The following ZNF383 variants were observed in gnomAD, a reference collection of about 807,000 sequenced individuals.
The protein encoded by ZNF383 is zinc finger protein 383.
ZNF383 carries 32 observed loss-of-function variants against 44.2 expected under a neutral mutation model. That is an observed-to-expected ratio of 0.72 (90% CI 0.55 to 0.97). The LOEUF (loss-of-function observed/expected upper bound fraction) is 0.97, where lower values mean the gene tolerates loss of function less well. ZNF383 is among the 50% of genes least tolerant of loss of function. The pLI is 0.00. For synonymous variants in ZNF383, 155 were observed against 186.2 expected (o/e 0.83, Z 1.36); for missense variants, 487 against 562.5 (o/e 0.87, Z 1.36).
At position 37,230,458 on chromosome 19, in the gene ZNF383, C is replaced by A; in HGVS notation, c.5C>A (p.Ala2Asp). 6.2e-7 allele frequency: 1 copy of A among 1,612,532 alleles called. No homozygotes were observed. The highest frequency in any genetic ancestry group is 8.5e-7 in the Non-Finnish European group (1 of 1,179,556). ...CCATCTGCAATACTAGAAGCCATGG[C>A]TGAGGTGAGTTGATGCTTTTTCTTG... The part of the protein sequence containing the change: M[A>D]EGSVMFSDVS... The change falls in exon 3 of 6, where the codon GCT becomes GAT. Residue 2 changes from alanine to aspartate, a missense_variant. Physicochemically the swap from Ala to Asp is moderately radical, Grantham distance 126. Coordinates refer to ENST00000684119, the MANE Select transcript of ZNF383 (RefSeq NM_001387601.1).
At position 37,244,619 on chromosome 19, in the gene ZNF383, T is replaced by A. The variant is rs1394537931; in HGVS notation, c.*955T>A. The A allele has an allele frequency of 2.0e-5, 3 of 152,146 alleles. No individual in the cohort carries two copies. The highest frequency in any genetic ancestry group is 4.4e-5 in the Non-Finnish European group (3 of 68,058). 9.4% of individuals were successfully genotyped at this position (152,146 alleles called of 1,614,324 possible). A position where few individuals can be genotyped will look rare whatever the true frequency, so the allele number is the denominator to read the frequency against. On this transcript the variant is annotated 3_prime_UTR_variant, in exon 6 of 6. Coordinates refer to ENST00000684119, the MANE Select transcript of ZNF383 (RefSeq NM_001387601.1). ...GTCTCAATCTCCCGACTTCAGGTGA[T>A]CCACCCGCCTCGGCCTCCGAAAGTG...
chr19:37,232,455 A>G (rs1284975782), intron 3 of ZNF383, among the ~76,000 whole-genome samples: 2 of 152,212 alleles, frequency 1.3e-5, no homozygotes, highest in Admixed American at 1.3e-4. Flanking sequence ...CCAATAAAAT[A>G]TATCTTGGAT....
intron 3 of ZNF383, 46 bp from the exon 4 acceptor site, chr19:37,235,503 T>C: frequency 1.2e-6 from 2 of 1,607,948 alleles, no homozygotes; most frequent in Non-Finnish European, 1.7e-6. Context: ...TAGTCTCTGA[T>C]ACATTTTTTT....
intron 5 of ZNF383, among the ~76,000 whole-genome samples, chr19:37,239,356 C>T (rs572106699): frequency 2.0e-5 from 3 of 152,216 alleles, no homozygotes; most frequent in South Asian, 2.1e-4. Context: ...ATCACAGATA[C>T]GTTCATATTA....
Position 37,235,193 on chromosome 19 carries a change from A to G in ZNF383, c.10-356A>G, listed in dbSNP as rs551950450. 2.6e-5 allele frequency among the ~76,000 whole-genome samples: 4 copies of G among 152,106 alleles called. No individual in the cohort carries two copies. In the East Asian group the frequency reaches 7.7e-4, roughly 29 times the overall value. The stretch of plus-strand genomic sequence containing the variant: ...GAGGCTGAGGCAGGAGAATTGCTTG[A>G]ACCCAGGAGGCGGAGGTTGCGGTGA... On this transcript the variant is annotated intron_variant, in intron 3 of 5. Coordinates refer to ENST00000684119, the MANE Select transcript of ZNF383 (RefSeq NM_001387601.1).
chr19:37,241,168 A>G (rs537033315), intron 5 of ZNF383, among the ~76,000 whole-genome samples: 14 of 152,116 alleles, frequency 9.2e-5, no homozygotes, highest in East Asian at 3.9e-4. Flanking sequence ...TTCCACCCCA[A>G]CTGGGTTTGC....
Position 37,235,541 on chromosome 19 carries a change from T to G in ZNF383, c.10-8T>G. The G allele has an allele frequency of 1.2e-6, 2 of 1,614,072 alleles. No homozygotes were observed. The highest frequency in any genetic ancestry group is 1.7e-6 in the Non-Finnish European group (2 of 1,179,942). On this transcript the variant is annotated splice_region_variant and splice_polypyrimidine_tract_variant and intron_variant, in intron 3 of 5. Transcript: ENST00000684119. Reference sequence around the variant, plus strand: ...TTACACAAGTAATACGTATGTTTATTGTTTCAGGGATCAGTGATGTTCAGT... The same window carrying G: ...TTACACAAGTAATACGTATGTTTATGGTTTCAGGGATCAGTGATGTTCAGT...
At chr19:37,229,700 A>ATATATATGTGTGTG (rs1973372843) in intron 2 of ZNF383, among the ~76,000 whole-genome samples, 1 of 55,596 alleles carries the variant, frequency 1.8e-5, no homozygotes, top group Middle Eastern at 7.9e-3. Context: ...ATATATATGT[A>ATATATATGTGTGTG]TATATATATG....
Position 37,243,231 on chromosome 19 carries a change from A to C in ZNF383, c.995A>C (p.His332Pro), listed in dbSNP as rs1643003742. 1 of 1,614,070 alleles carries C rather than the reference A, an allele frequency of 6.2e-7. No homozygotes were observed. Among genetic ancestry groups the C allele is most frequent in the South Asian group, 1.1e-5 (1 of 91,094 alleles). Reference protein sequence around the residue: ...SSKLVQHQRIHTGEKPYECKE... With the variant: ...SSKLVQHQRIPTGEKPYECKE... ...AAGCTTGTTCAACATCAGAGAATTC[A>C]TACTGGTGAGAAACCCTATGAGTGC... is the stretch of plus-strand genomic sequence containing the variant. Residue 332 changes from histidine to proline, a missense_variant, in exon 6 of 6, where the codon CAT (histidine) becomes CCT (proline). Physicochemically the swap from His to Pro is moderately conservative, Grantham distance 77 (BLOSUM62 -2). Coordinates refer to ENST00000684119, the MANE Select transcript of ZNF383 (RefSeq NM_001387601.1).
rs980158062 is a variant in ZNF383 at position 37,245,014 on chromosome 19, T to A, written c.*1350T>A. On this transcript the variant is annotated 3_prime_UTR_variant, in exon 6 of 6. Coordinates refer to ENST00000684119, the MANE Select transcript of ZNF383 (RefSeq NM_001387601.1). ...TGCAGCTATAAAAGCTGACCTCGGC[T>A]GGGCACAGTGGCTCATGCCTGTAAT... is the stretch of plus-strand genomic sequence containing the variant. 6.6e-6 allele frequency: 1 copy of A among 152,164 alleles called. No individual in the cohort carries two copies. The highest frequency in any genetic ancestry group is 2.4e-5 in the African/African-American group (1 of 41,448). 9.4% of individuals were successfully genotyped at this position (152,164 alleles called of 1,614,324 possible).
intron 5 of ZNF383, among the ~76,000 whole-genome samples, chr19:37,238,817 T>C (rs1973945505): frequency 6.6e-6 from 1 of 152,214 alleles, no homozygotes; most frequent in Admixed American, 6.5e-5. Context: ...AGTGATATTA[T>C]CATGTTTGCA....
intron 2 of ZNF383, among the ~76,000 whole-genome samples, chr19:37,228,267 T>C (rs1267811595): frequency 6.6e-6 from 1 of 152,204 alleles, no homozygotes; most frequent in Non-Finnish European, 1.5e-5. Flanking sequence ...TTTTTGTTTT[T>C]TGGTCACTTT....
rs116804405 is a variant in ZNF383 at position 37,235,410 on chromosome 19, C to G, written c.10-139C>G. On this transcript the variant is annotated intron_variant, in intron 3 of 5. Transcript: ENST00000684119. ...TAATATAAACTTCCTACTCTTGCAT[C>G]TATTTCTGAAATCTAAAGATACAGG... 3,395 of 807,726 alleles carry G rather than the reference C, an allele frequency of 4.2e-3. 86 individuals are homozygous for G. The African/African-American group carries it at 0.051, about 12-fold the overall frequency. The allele number at this position is 807,726 out of a possible 1,614,324, so 50.0% of individuals were successfully genotyped here.
intron 5 of ZNF383, among the ~76,000 whole-genome samples, chr19:37,236,526 C>T (rs763829472): frequency 4.9e-4 from 74 of 151,510 alleles, no homozygotes; most frequent in Non-Finnish European, 8.1e-4. Context: ...TGGCTGGGAC[C>T]GTAGGCCTGT....
At chr19:37,239,660 G>A (rs187724208) in intron 5 of ZNF383, among the ~76,000 whole-genome samples, 2 of 152,082 alleles carry the variant, frequency 1.3e-5, no homozygotes, top group South Asian at 2.1e-4. Flanking sequence ...TAAGGAGTTC[G>A]GACTTTGAGC....
At position 37,247,173 on chromosome 19, in the gene ZNF383, C is replaced by G. The variant is rs907912889; in HGVS notation, c.*3509C>G. ...ATACTAGGAAGAAAAAATATAGAAC[C>G]CAAGGAACTAAAACAAGCTGAAATG... On this transcript the variant is annotated 3_prime_UTR_variant, in exon 6 of 6. Transcript: ENST00000684119. The G allele has an allele frequency of 2.6e-5, 4 of 151,428 alleles. No individual in the cohort carries two copies. The highest frequency in any genetic ancestry group is 6.6e-5 in the Admixed American group (1 of 15,180). The allele number at this position is 151,428 out of a possible 1,614,324, so 9.4% of individuals were successfully genotyped here.
At position 37,243,735 on chromosome 19, in the gene ZNF383, C is replaced by G. The variant is rs753648787; in HGVS notation, c.*71C>G. The G allele has an allele frequency of 1.4e-5, 15 of 1,062,616 alleles. No individual in the cohort carries two copies. The highest frequency in any genetic ancestry group is 2.0e-5 in the Non-Finnish European group (15 of 764,414). 65.8% of individuals were successfully genotyped at this position (1,062,616 alleles called of 1,614,324 possible). A position where few individuals can be genotyped will look rare whatever the true frequency, so the allele number is the denominator to read the frequency against. ...ATCATGTCTAATAGTTACCCTCTTC[C>G]GTAGTTTTTTTTAAAACTTTGTATT... On this transcript the variant is annotated 3_prime_UTR_variant, in exon 6 of 6. Coordinates refer to ENST00000684119, the MANE Select transcript of ZNF383 (RefSeq NM_001387601.1).
In ZNF383 at chr19:37,242,833, A is replaced by C. The variant is rs1418412054; in HGVS notation, c.597A>C (p.Glu199Asp). 6.2e-7 allele frequency: 1 copy of C among 1,613,882 alleles called. No homozygotes were observed. Among genetic ancestry groups the C allele is most frequent in the African/African-American group, 1.3e-5 (1 of 74,936 alleles). Residue 199 changes from glutamate (E) to aspartate (D), a missense_variant, in exon 6 of 6, where the codon GAA becomes GAC. Transcript: ENST00000684119. ...QRIHIGEKSY[E>D]CKECGKFFSC... Reference sequence around the variant, plus strand: ...TTCATATTGGTGAAAAATCTTATGAATGTAAAGAGTGTGGGAAATTCTTTA... The same window carrying C: ...TTCATATTGGTGAAAAATCTTATGACTGTAAAGAGTGTGGGAAATTCTTTA...
chr19:37,240,958 C>T (rs954310745), intron 5 of ZNF383, among the ~76,000 whole-genome samples: 2 of 152,124 alleles, frequency 1.3e-5, no homozygotes, highest in Non-Finnish European at 2.9e-5. Flanking sequence ...AGGCACGTGC[C>T]ACCATGCCTG....
Sources: allele counts gnomAD v4.1 joint callset (sites outside exome capture counted in the v4.1 genomes callset), GRCh38; gene constraint gnomAD v4.1.1; transcripts MANE v1.5; gene names NCBI Gene and HGNC (gene_info 2026-07-23, HGNC 2026-07-21).